SPECC1: variants seen among roughly 807,000 people sequenced by gnomAD.
The protein encoded by SPECC1 is cytospin-B.
Under a neutral mutation model 104.1 loss-of-function variants are expected in SPECC1, and 62 were observed. The observed-to-expected ratio is 0.60, with a 90% CI of 0.49 to 0.74. SPECC1 has a LOEUF of 0.74. Ranked by LOEUF, SPECC1 falls within the 30% of genes least tolerant of loss-of-function variation. The probability of loss-of-function intolerance (pLI) is 0.00; values close to 1 mark genes in which losing one functional copy is unlikely to be tolerated. For missense variants in SPECC1, 1,306 were observed against 1,310.5 expected, an observed-to-expected ratio of 1.00 and a Z score of 0.05; for synonymous variants, 513 against 501.6, an observed-to-expected ratio of 1.02 and a Z score of -0.30.
chr17:20,164,272 G>GC (rs983500697), intron 3 of SPECC1, among the ~76,000 whole-genome samples: 12 of 150,664 alleles, frequency 8.0e-5, no homozygotes, highest in Non-Finnish European at 1.5e-5. Flanking sequence ...CTTCCTCTCT[G>GC]CCCCAGCCTC....
intron 14 of SPECC1, among the ~76,000 whole-genome samples, chr17:20,307,431 AG>A (rs1278100460): frequency 2.0e-5 from 3 of 152,184 alleles, no homozygotes; most frequent in Admixed American, 6.5e-5. Context: ...TTCCACCTAC[AG>A]GGCAGGAAGA....
intron 3 of SPECC1, among the ~76,000 whole-genome samples, chr17:20,137,330 T>G (rs1452834531): frequency 6.6e-6 from 1 of 152,238 alleles, no homozygotes; most frequent in Non-Finnish European, 1.5e-5. Flanking sequence ...TCGTGTGTGA[T>G]GTTGGACAAG....
At chr17:20,212,331 C>T (rs149186264) in intron 4 of SPECC1, among the ~76,000 whole-genome samples, 263 of 152,290 alleles carry the variant, frequency 1.7e-3, no homozygotes, top group Middle Eastern at 6.8e-3. Flanking sequence ...CACTTTCTTA[C>T]TCATTGAATT....
chr17:20,304,570 A>T (rs1239581053), intron 13 of SPECC1, among the ~76,000 whole-genome samples: 1 of 152,146 alleles, frequency 6.6e-6, no homozygotes, highest in Non-Finnish European at 1.5e-5. Context: ...TTTCAGCCTC[A>T]GATTCCCTGT....
chr17:20,097,544 T>C (rs1348230067), intron 2 of SPECC1, among the ~76,000 whole-genome samples: 1 of 152,212 alleles, frequency 6.6e-6, no homozygotes, highest in East Asian at 1.9e-4. Flanking sequence ...AGATGCAGAC[T>C]GATTTGAATT....
chr17:20,164,318 C>A (rs1210964245), intron 3 of SPECC1, among the ~76,000 whole-genome samples: 1 of 151,928 alleles, frequency 6.6e-6, no homozygotes, highest in Non-Finnish European at 1.5e-5. Context: ...TGCCACCATG[C>A]CCAGCTAATT....
intron 1 of SPECC1, among the ~76,000 whole-genome samples, chr17:20,092,917 C>G (rs73981807): frequency 0.13 from 19,514 of 152,154 alleles, 1,249 homozygotes; most frequent in African/African-American, 0.14. Context: ...CTCCAGGGAG[C>G]AAAGATTATT....
chr17:20,075,486 C>T (rs956739343), intron 1 of SPECC1, among the ~76,000 whole-genome samples: 1 of 152,168 alleles, frequency 6.6e-6, no homozygotes, highest in African/African-American at 2.4e-5. Context: ...CTTAATCCCA[C>T]ACTTTAAAGC....
intron 2 of SPECC1, among the ~76,000 whole-genome samples, chr17:20,108,349 T>A (rs2048331776): frequency 6.6e-6 from 1 of 152,214 alleles, no homozygotes; most frequent in South Asian, 2.1e-4. Flanking sequence ...GCACAGCATA[T>A]TTACAATAAA....
chr17:20,280,798 A>C (rs193003324), intron 12 of SPECC1, among the ~76,000 whole-genome samples: 35 of 152,362 alleles, frequency 2.3e-4, no homozygotes, highest in African/African-American at 7.9e-4. Flanking sequence ...ATGTTAAAGA[A>C]AAGATCACCG....
intron 3 of SPECC1, among the ~76,000 whole-genome samples, chr17:20,146,135 T>C (rs1406491136): frequency 6.6e-6 from 1 of 152,166 alleles, no homozygotes; most frequent in Admixed American, 6.5e-5. Flanking sequence ...ATTCTATGGG[T>C]TTTGACACGT....
intron 1 of SPECC1, among the ~76,000 whole-genome samples, chr17:20,090,936 T>C (rs2047377219): frequency 6.6e-6 from 1 of 152,208 alleles, no homozygotes; most frequent in Non-Finnish European, 1.5e-5. Flanking sequence ...TCCTTATGGG[T>C]CTCCAGATTA....
Position 20,112,070 on chromosome 17 carries a change from G to C in SPECC1, c.283+1508G>C, listed in dbSNP as rs143972121. 7 of 766,810 alleles carry C rather than the reference G, an allele frequency of 9.1e-6. No homozygotes were observed. In the East Asian group the frequency reaches 1.7e-4, roughly 19 times the overall value. The allele number at this position is 766,810 out of a possible 1,614,324, so 47.5% of individuals were successfully genotyped here. On this transcript the variant is annotated intron_variant, in intron 3 of 14. Coordinates refer to ENST00000395527, the MANE Select transcript of SPECC1 (RefSeq NM_001243439.2). Reference sequence around the variant, plus strand: ...CAGATTCTAAACCACCTGAGGGATTGTCAGGATTCCACATAGACTGGCTAA... The same window carrying C: ...CAGATTCTAAACCACCTGAGGGATTCTCAGGATTCCACATAGACTGGCTAA...
At position 20,308,768 on chromosome 17, in the gene SPECC1, T is replaced by TA. The variant is rs1289567736; in HGVS notation, c.3117+2687dup. Reference sequence around the variant, plus strand: ...AAATTTAAAAAGGTGTGAGGAAACTTACACATCTGACCAGGGTGGAGTAGC... The same window carrying TA: ...AAATTTAAAAAGGTGTGAGGAAACTTAACACATCTGACCAGGGTGGAGTAGC... On this transcript the variant is annotated intron_variant, in intron 14 of 14. Transcript: ENST00000395527. Among the ~76,000 whole-genome samples, 3 of 152,170 alleles carry TA rather than the reference T, an allele frequency of 2.0e-5. No individual in the cohort carries two copies. The East Asian group carries it at 5.8e-4, about 29-fold the overall frequency.
intron 3 of SPECC1, among the ~76,000 whole-genome samples, chr17:20,126,795 A>G (rs1236636823): frequency 2.6e-5 from 4 of 152,234 alleles, no homozygotes; most frequent in Non-Finnish European, 5.9e-5. Context: ...TGATGCAGAA[A>G]GTTGGCTTGG....
intron 3 of SPECC1, among the ~76,000 whole-genome samples, chr17:20,195,716 C>A (rs1000526597): frequency 1.3e-5 from 2 of 152,108 alleles, no homozygotes; most frequent in African/African-American, 4.8e-5. Context: ...AGCCACCACA[C>A]CCGGCTAATT....
chr17:20,227,673 GGGAGGCTGAGGCA>G (rs992764834), intron 5 of SPECC1, 53 bp downstream of exon 5: 148 of 1,537,912 alleles, frequency 9.6e-5, no homozygotes, highest in Admixed American at 3.9e-5. Flanking sequence ...CCAGCACTTT[GGGAGGCTGAGGCA>G]GGAGGATCAC....
At chr17:20,220,212 G>T (rs865787968) in intron 4 of SPECC1, among the ~76,000 whole-genome samples, 21 of 152,228 alleles carry the variant, frequency 1.4e-4, no homozygotes, top group African/African-American at 4.6e-4. Context: ...TATAAAGAAT[G>T]TCATTGGTAT....
intron 12 of SPECC1, among the ~76,000 whole-genome samples, chr17:20,283,056 C>T (rs2040828049): frequency 6.6e-6 from 1 of 152,092 alleles, no homozygotes; most frequent in Non-Finnish European, 1.5e-5. Context: ...TGGTGGCTTC[C>T]ACCTGTAGTC....
Sources: allele counts gnomAD v4.1 joint callset (sites outside exome capture counted in the v4.1 genomes callset), GRCh38; gene constraint gnomAD v4.1.1; transcripts MANE v1.5; gene names NCBI Gene and HGNC (gene_info 2026-07-23, HGNC 2026-07-21).